Variants in KIAA1958 observed in about 807,000 individuals in gnomAD.
The protein encoded by KIAA1958 is KIAA1958.
In KIAA1958, 14 loss-of-function variants were observed where a neutral mutation model predicts 47.2. The observed-to-expected ratio is 0.30, with a 90% CI of 0.20 to 0.46. KIAA1958 has a LOEUF of 0.46. Ranked by LOEUF, KIAA1958 falls within the 20% of genes least tolerant of loss-of-function variation. The probability of loss-of-function intolerance (pLI) is 1.00; values close to 1 mark genes in which losing one functional copy is unlikely to be tolerated. For synonymous variants in KIAA1958, 354 were observed against 353.3 expected, an observed-to-expected ratio of 1.00 and a Z score of -0.02; for missense variants, 803 against 909.2, an observed-to-expected ratio of 0.88 and a Z score of 1.50.
chr9:112,640,582 C>T (rs1836874873), intron 2 of KIAA1958, among the ~76,000 whole-genome samples: 1 of 152,086 alleles, frequency 6.6e-6, no homozygotes, highest in South Asian at 2.1e-4. Flanking sequence ...ACTGAGATTG[C>T]TGTAGACTTC....
intron 1 of KIAA1958, among the ~76,000 whole-genome samples, chr9:112,493,810 CA>C (rs1367802201): frequency 1.3e-5 from 2 of 152,188 alleles, no homozygotes; most frequent in East Asian, 3.8e-4. Context: ...ACTTGACTCA[CA>C]TTTTTTTTCC....
chr9:112,529,208 A>G (rs1834710525), intron 1 of KIAA1958, among the ~76,000 whole-genome samples: 1 of 152,232 alleles, frequency 6.6e-6, no homozygotes, highest in Non-Finnish European at 1.5e-5. Context: ...TAGTACATAT[A>G]TAATACATAT....
intron 1 of KIAA1958, among the ~76,000 whole-genome samples, chr9:112,571,316 G>GTAA (rs1835529866): frequency 6.6e-6 from 1 of 152,068 alleles, no homozygotes; most frequent in Non-Finnish European, 1.5e-5. Flanking sequence ...CAATAACAAG[G>GTAA]TAATAGTTCC....
At chr9:112,490,753 C>A (rs1243835408) in intron 1 of KIAA1958, among the ~76,000 whole-genome samples, 1 of 152,218 alleles carries the variant, frequency 6.6e-6, no homozygotes, top group East Asian at 1.9e-4. Flanking sequence ...CAAAGTCTTA[C>A]ACTTAAACAG....
chr9:112,628,403 G>C (rs1836655161), intron 2 of KIAA1958, among the ~76,000 whole-genome samples: 1 of 152,186 alleles, frequency 6.6e-6, no homozygotes, highest in Admixed American at 6.5e-5. Flanking sequence ...GATTTTAACT[G>C]TGAGCCTCTT....
rs1837383049 is a variant in KIAA1958, at chr9:112,668,724, G to A, written c.*8655G>A. On this transcript the variant is annotated 3_prime_UTR_variant, in exon 4 of 4. Coordinates refer to ENST00000337530, the MANE Select transcript of KIAA1958 (RefSeq NM_133465.4). ...AAATTTAGCAATAGAATAGGCAATG[G>A]ACTGCTTTGCATTTCCTTAGTTTTT... 6.6e-6 allele frequency: 1 copy of A among 152,164 alleles called. No homozygotes were observed. 9.4% of individuals were successfully genotyped at this position (152,164 alleles called of 1,614,324 possible).
intron 1 of KIAA1958, among the ~76,000 whole-genome samples, chr9:112,559,905 A>G (rs1286816483): frequency 1.3e-5 from 2 of 152,210 alleles, no homozygotes; most frequent in African/African-American, 4.8e-5. Flanking sequence ...CACATGGGGA[A>G]CAATTTTAGT....
rs571938144 is a variant in KIAA1958, at chr9:112,509,108, G to T, written c.-25+21990G>T. On this transcript the variant is annotated intron_variant, in intron 1 of 3. Coordinates refer to ENST00000337530, the MANE Select transcript of KIAA1958 (RefSeq NM_133465.4). ...AATGTTTTTTTTTTTGTCAGTGTTA[G>T]AATAGTGTATGGAGAAAGCTTATCA... Among the ~76,000 whole-genome samples, 16 of 150,198 alleles carry T rather than the reference G, an allele frequency of 1.1e-4. No individual in the cohort carries two copies. In the South Asian group the frequency reaches 3.4e-3, roughly 32 times the overall value.
intron 1 of KIAA1958, among the ~76,000 whole-genome samples, chr9:112,509,352 C>T (rs1305583334): frequency 1.3e-5 from 2 of 152,106 alleles, no homozygotes; most frequent in Non-Finnish European, 2.9e-5. Context: ...AGGTGTGTGC[C>T]ACCATGCCCG....
chr9:112,615,893 CAAG>C (rs1279594072), intron 2 of KIAA1958, among the ~76,000 whole-genome samples: 19 of 152,176 alleles, frequency 1.2e-4, no homozygotes, highest in Admixed American at 9.8e-4. Flanking sequence ...ACATCTCAGA[CAAG>C]AAAGTTTTTA....
At chr9:112,565,021 T>C (rs1279048068) in intron 1 of KIAA1958, among the ~76,000 whole-genome samples, 1 of 152,222 alleles carries the variant, frequency 6.6e-6, no homozygotes, top group African/African-American at 2.4e-5. Flanking sequence ...CAAATAAGAA[T>C]TGTCTAAAAA....
chr9:112,614,312 T>C (rs1004767961), intron 2 of KIAA1958, among the ~76,000 whole-genome samples: 2 of 152,200 alleles, frequency 1.3e-5, no homozygotes, highest in African/African-American at 2.4e-5. Context: ...GCTGGTGATA[T>C]TCTTTTTCTT....
intron 1 of KIAA1958, among the ~76,000 whole-genome samples, chr9:112,552,484 C>A (rs1217465345): frequency 6.6e-6 from 1 of 152,128 alleles, no homozygotes; most frequent in Non-Finnish European, 1.5e-5. Flanking sequence ...CAGGCCTGTG[C>A]CAGGGAGGGT....
rs1335801503 is a variant in KIAA1958 at position 112,665,869 on chromosome 9, G to A, written c.*5800G>A. ...TGACATTGGACTCACTGCTTAAAAA[G>A]TAAAGGAGTTCCTAACTTACGCAAC... On this transcript the variant is annotated 3_prime_UTR_variant, in exon 4 of 4. Coordinates refer to ENST00000337530, the MANE Select transcript of KIAA1958 (RefSeq NM_133465.4). The A allele has an allele frequency of 1.3e-5, 2 of 152,168 alleles. No homozygotes were observed. The highest frequency in any genetic ancestry group is 2.9e-5 in the Non-Finnish European group (2 of 68,036). 9.4% of individuals were successfully genotyped at this position (152,168 alleles called of 1,614,324 possible).
At chr9:112,489,411 C>A (rs4434682) in intron 1 of KIAA1958, among the ~76,000 whole-genome samples, 145,144 of 151,970 alleles carry the variant, frequency 0.96, 69,373 homozygotes, top group African/African-American at 0.98. Context: ...TTTCTGAGAT[C>A]ATCAATGTAG....
chr9:112,502,532 T>A (rs879729041), intron 1 of KIAA1958, among the ~76,000 whole-genome samples: 2 of 152,236 alleles, frequency 1.3e-5, no homozygotes, highest in Non-Finnish European at 2.9e-5. Context: ...TGTGTAAATG[T>A]TCCAGTTGCC....
At chr9:112,634,731 A>G (rs1836774752) in intron 2 of KIAA1958, among the ~76,000 whole-genome samples, 1 of 152,122 alleles carries the variant, frequency 6.6e-6, no homozygotes, top group Admixed American at 6.5e-5. Flanking sequence ...TCACCTCTTA[A>G]TGCTGCATTG....
At chr9:112,620,725 A>G (rs757669043) in intron 2 of KIAA1958, among the ~76,000 whole-genome samples, 28 of 152,172 alleles carry the variant, frequency 1.8e-4, no homozygotes, top group Non-Finnish European at 3.5e-4. Flanking sequence ...TTGAGCCAGC[A>G]TGCATGCCAG....
chr9:112,498,973 T>A (rs927050915), intron 1 of KIAA1958, among the ~76,000 whole-genome samples: 7 of 152,194 alleles, frequency 4.6e-5, no homozygotes, highest in Admixed American at 1.3e-4. Flanking sequence ...ATCTCCTACA[T>A]ATGAGTGAGA....
Sources: allele counts gnomAD v4.1 joint callset (sites outside exome capture counted in the v4.1 genomes callset), GRCh38; gene constraint gnomAD v4.1.1; transcripts MANE v1.5; gene names NCBI Gene and HGNC (gene_info 2026-07-23, HGNC 2026-07-21).